DIAPH3: variants seen among roughly 807,000 people sequenced by gnomAD.
The protein encoded by DIAPH3 is diaphanous related formin 3, also known as protein diaphanous homolog 3.
In DIAPH3, 117 loss-of-function variants were observed where a neutral mutation model predicts 144.3. The observed-to-expected ratio is 0.81, with a 90% confidence interval of 0.70 to 0.95. The LOEUF is 0.95. Ranked by LOEUF, DIAPH3 falls within the 40% of genes least tolerant of loss-of-function variation. The pLI is 0.00. For synonymous variants in DIAPH3, 519 were observed against 488.9 expected (o/e 1.06, Z -0.81); for missense variants, 1,421 against 1,412.7 (o/e 1.01, Z -0.09).
At chr13:60,018,914 A>G (rs2053830202) in intron 5 of DIAPH3, among the ~76,000 whole-genome samples, 1 of 152,180 alleles carries the variant, frequency 6.6e-6, no homozygotes, top group Admixed American at 6.5e-5. Flanking sequence ...ATTAAAAATT[A>G]AATATGCATA....
At chr13:59,729,910 C>G (rs2035814850) in intron 27 of DIAPH3, among the ~76,000 whole-genome samples, 1 of 145,096 alleles carries the variant, frequency 6.9e-6, no homozygotes, top group Non-Finnish European at 1.5e-5. Context: ...TTCCTGGGCT[C>G]AAGTGATCTT....
chr13:59,704,989 C>G (rs1340245195), intron 27 of DIAPH3, among the ~76,000 whole-genome samples: 1 of 152,084 alleles, frequency 6.6e-6, no homozygotes, highest in African/African-American at 2.4e-5. Flanking sequence ...ATAGCCATTA[C>G]AATGGTAAGA....
At chr13:59,850,968 T>A (rs1411005421) in intron 22 of DIAPH3, among the ~76,000 whole-genome samples, 1 of 147,164 alleles carries the variant, frequency 6.8e-6, no homozygotes, top group Non-Finnish European at 1.5e-5. Flanking sequence ...CTGGTACCAT[T>A]CCTTCTGAAA....
intron 2 of DIAPH3, among the ~76,000 whole-genome samples, chr13:60,112,582 T>A (rs2058597532): frequency 6.6e-6 from 1 of 152,188 alleles, no homozygotes; most frequent in Non-Finnish European, 1.5e-5. Context: ...CCCCTCTGCC[T>A]ATTGCCCTTT....
chr13:60,109,331 G>A (rs2058503845), intron 3 of DIAPH3, among the ~76,000 whole-genome samples: 1 of 152,170 alleles, frequency 6.6e-6, no homozygotes, highest in South Asian at 2.1e-4. Context: ...AAAGTCCGTG[G>A]TAATTTGTTA....
At chr13:60,024,462 T>C (rs1035364983) in intron 5 of DIAPH3, among the ~76,000 whole-genome samples, 2 of 152,214 alleles carry the variant, frequency 1.3e-5, no homozygotes, top group Admixed American at 6.5e-5. Context: ...AAAGAAGAAA[T>C]AGTTTCCTGT....
At chr13:59,930,022 G>T (rs1238671650) in intron 17 of DIAPH3, among the ~76,000 whole-genome samples, 1 of 152,058 alleles carries the variant, frequency 6.6e-6, no homozygotes, top group Non-Finnish European at 1.5e-5. Flanking sequence ...CATAAACATG[G>T]CATGTGTTTA....
At chr13:60,088,643 A>C (rs2057830470) in intron 4 of DIAPH3, among the ~76,000 whole-genome samples, 1 of 152,046 alleles carries the variant, frequency 6.6e-6, no homozygotes, top group South Asian at 2.1e-4. Context: ...GGGGAGGGGG[A>C]CAGGGTCTCA....
In DIAPH3 at chr13:59,893,902, T is replaced by G. The variant is rs534418067; in HGVS notation, c.2368-14434A>C. ...AAAGTGTTTCTCTATATTCCAAACA[T>G]AAACCCATTAAGAACGACAGCTTGC... is the stretch of plus-strand genomic sequence containing the variant. On this transcript the variant is annotated intron_variant, in intron 20 of 27. Coordinates refer to ENST00000400324, the MANE Select transcript of DIAPH3 (RefSeq NM_001042517.2). Among the ~76,000 whole-genome samples the G allele has an allele frequency of 9.8e-5, 15 of 152,288 alleles. No individual in the cohort carries two copies. In the East Asian group the frequency reaches 2.7e-3, roughly 27 times the overall value.
At chr13:59,968,099 G>C (rs1385368244) in intron 17 of DIAPH3, among the ~76,000 whole-genome samples, 1 of 152,150 alleles carries the variant, frequency 6.6e-6, no homozygotes, top group East Asian at 1.9e-4. Flanking sequence ...ATTAGATAGA[G>C]CAAATACATC....
At chr13:59,916,686 T>C (rs1203954496) in intron 18 of DIAPH3, among the ~76,000 whole-genome samples, 1 of 152,130 alleles carries the variant, frequency 6.6e-6, no homozygotes, top group Admixed American at 6.5e-5. Flanking sequence ...AGGAAAGAGT[T>C]CAGGAAAAAG....
At chr13:59,813,591 C>T (rs1325595546) in intron 24 of DIAPH3, among the ~76,000 whole-genome samples, 1 of 152,110 alleles carries the variant, frequency 6.6e-6, no homozygotes, top group African/African-American at 2.4e-5. Flanking sequence ...CACGGTGGCT[C>T]ATGCCTGTAA....
intron 25 of DIAPH3, among the ~76,000 whole-genome samples, chr13:59,798,446 A>C (rs1407194383): frequency 6.6e-6 from 1 of 152,214 alleles, no homozygotes; most frequent in Non-Finnish European, 1.5e-5. Flanking sequence ...CTGCTACATT[A>C]CTGGTTAGTC....
chr13:60,122,760 A>G (rs1013257986), intron 2 of DIAPH3, among the ~76,000 whole-genome samples: 4 of 152,140 alleles, frequency 2.6e-5, no homozygotes, highest in Admixed American at 6.5e-5. Context: ...CCCTACACTA[A>G]AAACAAGGAT....
At chr13:60,059,961 C>T (rs1226580303) in intron 4 of DIAPH3, among the ~76,000 whole-genome samples, 3 of 152,036 alleles carry the variant, frequency 2.0e-5, no homozygotes, top group Non-Finnish European at 2.9e-5. Flanking sequence ...TAAAATTAGG[C>T]AATTTGTTTT....
intron 4 of DIAPH3, among the ~76,000 whole-genome samples, chr13:60,050,550 G>T (rs1394152083): frequency 6.6e-6 from 1 of 152,144 alleles, no homozygotes; most frequent in Non-Finnish European, 1.5e-5. Flanking sequence ...AGAGGAGGAG[G>T]AGGAGGAAGA....
chr13:60,084,590 A>C (rs1233646499), intron 4 of DIAPH3, among the ~76,000 whole-genome samples: 1 of 152,152 alleles, frequency 6.6e-6, no homozygotes, highest in Non-Finnish European at 1.5e-5. Flanking sequence ...AGCACAAAGC[A>C]GTTTCCCAAG....
intron 18 of DIAPH3, among the ~76,000 whole-genome samples, chr13:59,920,564 A>G (rs957367593): frequency 6.6e-6 from 1 of 151,562 alleles, no homozygotes; most frequent in African/African-American, 2.4e-5. Flanking sequence ...ATATATATAT[A>G]TAATTTGTAT....
chr13:59,992,161 C>A lies in DIAPH3; in HGVS notation c.1151G>T (p.Gly384Val), dbSNP rs1181572042. 5.0e-6 allele frequency: 8 copies of A among 1,611,066 alleles called. No homozygotes were observed. The Admixed American group carries it at 8.4e-5, about 17-fold the overall frequency. Residue 384 changes from glycine (G) to valine (V), a missense_variant, in exon 11 of 28, where the codon GGC (glycine) becomes GTC (valine). Coordinates refer to ENST00000400324, the MANE Select transcript of DIAPH3 (RefSeq NM_001042517.2). ...AAAGACTTTAAGTTGGATATCCAGG[C>A]CATCATTCTTAATGCATTTTAAATT... ...LPNLKCIKND[G>V]LDIQLKVFDE...
Sources: allele counts gnomAD v4.1 joint callset (sites outside exome capture counted in the v4.1 genomes callset), GRCh38; gene constraint gnomAD v4.1.1; transcripts MANE v1.5; gene names NCBI Gene and HGNC (gene_info 2026-07-23, HGNC 2026-07-21).